ZDHHC3: variants seen among roughly 807,000 people sequenced by gnomAD.
The protein encoded by ZDHHC3 is palmitoyltransferase ZDHHC3.
A neutral mutation model predicts 30.6 loss-of-function variants in ZDHHC3; 9 were observed. The ratio of observed to expected loss-of-function variants is 0.29; its 90% CI spans 0.18 to 0.51. The LOEUF is 0.51. Ranked by LOEUF, ZDHHC3 falls within the 20% of genes least tolerant of loss-of-function variation. The pLI is 0.97. For synonymous variants in ZDHHC3, 136 were observed against 140.2 expected (o/e 0.97, Z 0.21); for missense variants, 246 against 384.2 (o/e 0.64, Z 3.01).
intron 5 of ZDHHC3, among the ~76,000 whole-genome samples, chr3:44,930,824 G>A (rs1005335807): frequency 8.5e-5 from 13 of 152,182 alleles, no homozygotes; most frequent in South Asian, 2.1e-4. Context: ...TGGCCTGGCC[G>A]TGGGTGGCTA....
intron 3 of ZDHHC3, chr3:44,938,164 A>G (rs1467450831): frequency 4.9e-6 from 1 of 203,576 alleles, no homozygotes; most frequent in East Asian, 1.4e-4. Context: ...TTGTATTTTT[A>G]GTGGAGACGG....
intron 5 of ZDHHC3, among the ~76,000 whole-genome samples, chr3:44,932,523 T>G (rs1029288301): frequency 6.6e-5 from 10 of 152,336 alleles, no homozygotes; most frequent in Admixed American, 3.9e-4. Context: ...TTGTTTTCCT[T>G]CAGGATCTGT....
At position 44,921,891 on chromosome 3, in the gene ZDHHC3, G is replaced by T. The variant is rs1054479355; in HGVS notation, c.*4798C>A. ...AGGGCATCCTTATGTCCGTGTTAGA[G>T]CATGTGCGGCCCCTAGAAGGCTTTT... is the stretch of plus-strand genomic sequence containing the variant. On this transcript the variant is annotated 3_prime_UTR_variant, in exon 7 of 7. Transcript: ENST00000424952. 2 of 985,296 alleles carry T rather than the reference G, an allele frequency of 2.0e-6. No individual in the cohort carries two copies. Among genetic ancestry groups the T allele is most frequent in the Non-Finnish European group, 2.4e-6 (2 of 829,936 alleles). 61.0% of individuals were successfully genotyped at this position (985,296 alleles called of 1,614,324 possible). A position where few individuals can be genotyped will look rare whatever the true frequency, so the allele number is the denominator to read the frequency against.
intron 2 of ZDHHC3, among the ~76,000 whole-genome samples, chr3:44,947,378 C>A (rs1258938051): frequency 6.6e-6 from 1 of 152,130 alleles, no homozygotes; most frequent in Non-Finnish European, 1.5e-5. Context: ...GCTTGGAAGT[C>A]CCCTGGCCTT....
At chr3:44,950,530 C>A (rs1055314426) in intron 2 of ZDHHC3, among the ~76,000 whole-genome samples, 2 of 152,114 alleles carry the variant, frequency 1.3e-5, no homozygotes, top group Non-Finnish European at 2.9e-5. Context: ...CATGTGCCCC[C>A]ACAATGAGAC....
At chr3:44,961,500 T>C (rs1445596190) in intron 1 of ZDHHC3, among the ~76,000 whole-genome samples, 1 of 152,192 alleles carries the variant, frequency 6.6e-6, no homozygotes, top group Non-Finnish European at 1.5e-5. Context: ...CAGAGGACAG[T>C]GGCAATGTAG....
chr3:44,951,972 C>T (rs1304871948), intron 2 of ZDHHC3, among the ~76,000 whole-genome samples: 1 of 152,154 alleles, frequency 6.6e-6, no homozygotes, highest in Non-Finnish European at 1.5e-5. Flanking sequence ...TCCTTCCCTG[C>T]TCATTCTGCA....
chr3:44,946,323 G>A (rs1702929243), intron 2 of ZDHHC3, among the ~76,000 whole-genome samples: 2 of 152,172 alleles, frequency 1.3e-5, no homozygotes, highest in Admixed American at 1.3e-4. Flanking sequence ...GAGCCAAAAT[G>A]CCATAAGATT....
intron 2 of ZDHHC3, among the ~76,000 whole-genome samples, chr3:44,954,379 C>T (rs545962568): frequency 7.9e-5 from 12 of 152,128 alleles, no homozygotes; most frequent in Admixed American, 1.3e-4. Context: ...CAAATATTAT[C>T]GTGTTACAGT....
chr3:44,958,524 G>T, intron 2 of ZDHHC3: 1 of 1,396,448 alleles, frequency 7.2e-7, no homozygotes, highest in Non-Finnish European at 9.8e-7. Context: ...AGCCACGTGC[G>T]CAGCTTGGCA....
chr3:44,932,974 C>T, intron 5 of ZDHHC3, 144 bp downstream of exon 5: 1 of 1,614,150 alleles, frequency 6.2e-7, no homozygotes, highest in Non-Finnish European at 8.5e-7. Context: ...CCATTTCTTC[C>T]CTGTTCAGTC....
intron 2 of ZDHHC3, chr3:44,958,446 C>T: frequency 2.6e-6 from 2 of 765,474 alleles, no homozygotes; most frequent in South Asian, 1.5e-5. Context: ...AATGTATTCT[C>T]TTGCTTTTCC....
intron 1 of ZDHHC3, among the ~76,000 whole-genome samples, chr3:44,962,163 T>A (rs181458739): frequency 4.5e-4 from 69 of 152,248 alleles, no homozygotes; most frequent in Admixed American, 2.0e-3. Flanking sequence ...CTGTTTTTTT[T>A]ATCATAAATG....
rs1421338273 is a variant in ZDHHC3, at chr3:44,959,570, T to G, written c.-24-110A>C. The G allele has an allele frequency of 2.4e-6, 2 of 847,772 alleles. No homozygotes were observed. Among genetic ancestry groups the G allele is most frequent in the African/African-American group, 3.4e-5 (2 of 58,640 alleles). 52.5% of individuals were successfully genotyped at this position (847,772 alleles called of 1,614,324 possible). A position where few individuals can be genotyped will look rare whatever the true frequency, so the allele number is the denominator to read the frequency against. On this transcript the variant is annotated intron_variant, in intron 1 of 6. Transcript: ENST00000424952. The surrounding 1 kb of genome is among the most constrained non-coding windows in gnomAD (Gnocchi z 4.3). ...TGATTACTTATCTGCAACCCCTGTG[T>G]GCAAAGCCACCTAATCACCTTGTTC...
chr3:44,964,641 G>C (rs572394593), intron 1 of ZDHHC3, among the ~76,000 whole-genome samples: 2 of 152,216 alleles, frequency 1.3e-5, no homozygotes, highest in African/African-American at 2.4e-5. Flanking sequence ...GACCACTCTA[G>C]AAGTGACAGG....
chr3:44,919,900 C>T lies in ZDHHC3; in HGVS notation c.*6789G>A, dbSNP rs1700475307. 2.9e-6 allele frequency: 3 copies of T among 1,031,356 alleles called. No individual in the cohort carries two copies. Among genetic ancestry groups the T allele is most frequent in the Non-Finnish European group, 3.5e-6 (3 of 854,908 alleles). 63.9% of individuals were successfully genotyped at this position (1,031,356 alleles called of 1,614,324 possible). On this transcript the variant is annotated 3_prime_UTR_variant, in exon 7 of 7. Transcript: ENST00000424952. ...GATTTATGCAATACAAACTTGAACA[C>T]TGAATTATAATAATGCAAAGCTGGA...
intron 1 of ZDHHC3, among the ~76,000 whole-genome samples, chr3:44,962,411 G>A (rs1704554354): frequency 6.6e-6 from 1 of 151,380 alleles, no homozygotes; most frequent in African/African-American, 2.4e-5. Context: ...TAACTTCCCA[G>A]ATAAATGTGA....
At position 44,917,882 on chromosome 3, in the gene ZDHHC3, C is replaced by T. The variant is rs868492692; in HGVS notation, c.*8807G>A. On this transcript the variant is annotated 3_prime_UTR_variant, in exon 7 of 7. Coordinates refer to ENST00000424952, the MANE Select transcript of ZDHHC3 (RefSeq NM_001135179.2). ...GCACTTTTTAGTGTTTGCTTCTCTCCCCACAGCAGCATCTATTCATCTGTC... is the reference window on the plus strand; with the variant it reads ...GCACTTTTTAGTGTTTGCTTCTCTCTCCACAGCAGCATCTATTCATCTGTC... 2 of 1,298,972 alleles carry T rather than the reference C, an allele frequency of 1.5e-6. No homozygotes were observed. The highest frequency in any genetic ancestry group is 1.5e-5 in the African/African-American group (1 of 65,866). 80.5% of individuals were successfully genotyped at this position (1,298,972 alleles called of 1,614,324 possible). A position where few individuals can be genotyped will look rare whatever the true frequency, so the allele number is the denominator to read the frequency against.
At position 44,920,687 on chromosome 3, in the gene ZDHHC3, A is replaced by G; in HGVS notation, c.*6002T>C. The G allele has an allele frequency of 1.0e-6, 1 of 985,374 alleles. No individual in the cohort carries two copies. Among genetic ancestry groups the G allele is most frequent in the Non-Finnish European group, 1.2e-6 (1 of 829,920 alleles). The allele number at this position is 985,374 out of a possible 1,614,324, so 61.0% of individuals were successfully genotyped here. ...CACTGTGCCCAGGCTGAGCTCAGTC[A>G]GAGAGAAGGGGAATGAAGCCAAGAG... On this transcript the variant is annotated 3_prime_UTR_variant, in exon 7 of 7. Transcript: ENST00000424952.
Sources: gnomAD v4.1 joint callset for allele counts (sites outside exome capture counted in the v4.1 genomes callset) on GRCh38, gnomAD v4.1.1 for gene constraint, Gnocchi (gnomAD v3.1) non-coding constraint, MANE v1.5 for transcripts, NCBI Gene and HGNC (gene_info 2026-07-23, HGNC 2026-07-21) for gene names.